Variants in ZNF597 observed in about 807,000 individuals in gnomAD.
ZNF597 encodes the protein zinc finger protein 597.
In ZNF597, 5 loss-of-function variants were observed where a neutral mutation model predicts 7.3. That is an observed-to-expected ratio of 0.68 (90% confidence interval 0.36 to 1.44). The LOEUF (loss-of-function observed/expected upper bound fraction) is 1.44. Ranked by LOEUF, ZNF597 falls within the 40% of genes most tolerant of loss-of-function variation. The pLI, the probability that ZNF597 is intolerant of heterozygous loss-of-function variation, is 0.04. For missense variants in ZNF597, 585 were observed against 517.9 expected, an observed-to-expected ratio of 1.13 and a Z score of -1.26; for synonymous variants, 209 against 185.4, an observed-to-expected ratio of 1.13 and a Z score of -1.04.
In ZNF597 at chr16:3,432,626, A is replaced by C. The variant is rs187495065; in HGVS notation, c.*3798T>G. ...GAGATTACAGCACATTCTTACGTTT[A>C]CACAGAAGAATATTTATATTGTATT... On this transcript the variant is annotated 3_prime_UTR_variant, in exon 4 of 4. Transcript: ENST00000301744. 1 of 152,340 alleles carries C rather than the reference A, an allele frequency of 6.6e-6. No homozygotes were observed. The highest frequency in any genetic ancestry group is 1.9e-4 in the East Asian group (1 of 5,176). The allele number at this position is 152,340 out of a possible 1,614,324, so 9.4% of individuals were successfully genotyped here.
chr16:3,441,276 G>A (rs1328157418), intron 2 of ZNF597, among the ~76,000 whole-genome samples: 5 of 152,152 alleles, frequency 3.3e-5, no homozygotes, highest in African/African-American at 1.2e-4. Context: ...GGCCGGGTGT[G>A]GTGGCTCATG....
chr16:3,437,175 T>G lies in ZNF597; in HGVS notation c.524A>C (p.Gln175Pro). The G allele has an allele frequency of 6.2e-7, 1 of 1,614,258 alleles. No individual in the cohort carries two copies. The highest frequency in any genetic ancestry group is 8.5e-7 in the Non-Finnish European group (1 of 1,180,052). Residue 175 changes from glutamine to proline, a missense_variant, in exon 4 of 4, where the codon CAG becomes CCG. Transcript: ENST00000301744. ...TTTTTTCTCTCCTGAATGAATTTTC[T>G]GATGCAAAACTAGGTATGAATGATC... ...FSDHSYLVLH[Q>P]KIHSGEKKHK...
intron 3 of ZNF597, among the ~76,000 whole-genome samples, chr16:3,438,583 A>G (rs2034330441): frequency 6.6e-6 from 1 of 151,846 alleles, no homozygotes. Context: ...AATAATAATA[A>G]TTAAAAAAGA....
rs776464140 is a variant in ZNF597 at position 3,436,721 on chromosome 16, G to A, written c.978C>T (p.Ser326=). 10 of 1,613,954 alleles carry A rather than the reference G, an allele frequency of 6.2e-6. No individual in the cohort carries two copies. The highest frequency in any genetic ancestry group is 5.3e-5 in the African/African-American group (4 of 74,914). ...ATGAGAAGAAATTGTCCCCATCATC[G>A]CTGCAGCGTTCAGAGTCCTCGTCGT... is the stretch of plus-strand genomic sequence containing the variant. ...KSHDEDSERC[S]DDGDNFFSFS... is the part of the protein sequence containing the mutation. The change falls in exon 4 of 4, where the codon AGC becomes AGT. Residue 326 remains serine, a synonymous_variant. Transcript: ENST00000301744.
rs2034425745 is a variant in ZNF597 at position 3,443,394 on chromosome 16, G to A, written c.-88C>T. The A allele has an allele frequency of 3.7e-6, 2 of 544,536 alleles. No homozygotes were observed. The highest frequency in any genetic ancestry group is 3.2e-5 in the East Asian group (1 of 30,966). The allele number at this position is 544,536 out of a possible 1,614,324, so 33.7% of individuals were successfully genotyped here. On this transcript the variant is annotated 5_prime_UTR_variant, in exon 1 of 4. Transcript: ENST00000301744. ...GTTAATAACAGGCCTCGCGCTCCCT[G>A]ACAGGAGCTGCAGAAAGCGACGCCC...
chr16:3,433,780 C>T lies in ZNF597; in HGVS notation c.*2644G>A, dbSNP rs2034274963. The stretch of plus-strand genomic sequence containing the variant: ...TTTAAGTACAACTGCACAATAAGCA[C>T]AACTGAAAATATGCCTCTTTCACAG... On this transcript the variant is annotated 3_prime_UTR_variant, in exon 4 of 4. Transcript: ENST00000301744. 1 of 152,208 alleles carries T rather than the reference C, an allele frequency of 6.6e-6. No homozygotes were observed. The highest frequency in any genetic ancestry group is 2.1e-4 in the South Asian group (1 of 4,832). 9.4% of individuals were successfully genotyped at this position (152,208 alleles called of 1,614,324 possible). A position where few individuals can be genotyped will look rare whatever the true frequency, so the allele number is the denominator to read the frequency against.
At chr16:3,440,140 A>G (rs2150933877) in intron 3 of ZNF597, among the ~76,000 whole-genome samples, 1 of 152,342 alleles carries the variant, frequency 6.6e-6, no homozygotes, top group African/African-American at 2.4e-5. Flanking sequence ...CCATCTGTGT[A>G]TGGTTCCCCT....
rs1203965030 is a variant in ZNF597 at position 3,433,894 on chromosome 16, G to A, written c.*2530C>T. 5 of 151,826 alleles carry A rather than the reference G, an allele frequency of 3.3e-5. No homozygotes were observed. Among genetic ancestry groups the A allele is most frequent in the African/African-American group, 7.3e-5 (3 of 41,298 alleles). The allele number at this position is 151,826 out of a possible 1,614,324, so 9.4% of individuals were successfully genotyped here. Reference sequence around the variant, plus strand: ...AAAGCCATTTTAGTTCTACCCACACGTATGTTAATGTTTCTGAAAAGGGCT... The same window carrying A: ...AAAGCCATTTTAGTTCTACCCACACATATGTTAATGTTTCTGAAAAGGGCT... On this transcript the variant is annotated 3_prime_UTR_variant, in exon 4 of 4. Transcript: ENST00000301744.
rs37826 is a variant in ZNF597, at chr16:3,438,334, T to G, written c.161-796A>C. Among the ~76,000 whole-genome samples, 11 of 150,144 alleles carry G rather than the reference T, an allele frequency of 7.3e-5. No individual in the cohort carries two copies. The East Asian group carries it at 2.2e-3, about 30-fold the overall frequency. On this transcript the variant is annotated intron_variant, in intron 3 of 3. Transcript: ENST00000301744. ...CAGCACTTTGGGAGGCCGAGGCGGGTGGATCACGAGATCAGGAGATCAAGA... is the reference window on the plus strand; with the variant it reads ...CAGCACTTTGGGAGGCCGAGGCGGGGGGATCACGAGATCAGGAGATCAAGA...
intron 3 of ZNF597, among the ~76,000 whole-genome samples, chr16:3,438,879 A>G (rs536640267): frequency 6.6e-6 from 1 of 152,368 alleles, no homozygotes; most frequent in South Asian, 2.1e-4. Flanking sequence ...CCAGAGAAAC[A>G]AAGTTCTACA....
chr16:3,439,289 G>A lies in ZNF597; in HGVS notation c.160+1518C>T, dbSNP rs1297224585. The stretch of plus-strand genomic sequence containing the variant: ...TCCCAGCTACTTGGGAGGCTGAGGT[G>A]GGAGGACTGCTTGAGCCTGGGAGGT... On this transcript the variant is annotated intron_variant, in intron 3 of 3. Transcript: ENST00000301744. Among the ~76,000 whole-genome samples, 4 of 152,036 alleles carry A rather than the reference G, an allele frequency of 2.6e-5. No individual in the cohort carries two copies. In the East Asian group the frequency reaches 5.8e-4, roughly 22 times the overall value.
At chr16:3,441,044 G>C (rs753108515) in intron 2 of ZNF597, 111 bp from the exon 3 acceptor site, 2 of 1,460,346 alleles carry the variant, frequency 1.4e-6, no homozygotes, top group Non-Finnish European at 1.8e-6. Context: ...TAAAAGGCTC[G>C]GTGTAAAAGG....
At position 3,442,681 on chromosome 16, in the gene ZNF597, A is replaced by G. The variant is rs796302236; in HGVS notation, c.33+440T>C. ...CAGAGCGAGACTCTGTATCAAAAAA[A>G]AAAAAAAAAGAACTTTTAAAAGTAG... On this transcript the variant is annotated intron_variant, in intron 2 of 3. Transcript: ENST00000301744. 8.9e-3 allele frequency among the ~76,000 whole-genome samples: 1,352 copies of G among 152,024 alleles called. 18 individuals carry two copies. Among genetic ancestry groups the G allele is most frequent in the South Asian group, 0.036 (173 of 4,812 alleles).
At chr16:3,437,590 A>G (rs773617703) in intron 3 of ZNF597, 52 bp from the exon 4 acceptor site, 2 of 1,524,166 alleles carry the variant, frequency 1.3e-6, no homozygotes, top group African/African-American at 2.8e-5. Context: ...TTCAAGGGAT[A>G]CTGGGGAAAA....
At position 3,437,383 on chromosome 16, in the gene ZNF597, A is replaced by G; in HGVS notation, c.316T>C (p.Leu106=). 1.2e-6 allele frequency: 2 copies of G among 1,614,154 alleles called. No homozygotes were observed. Among genetic ancestry groups the G allele is most frequent in the Non-Finnish European group, 1.7e-6 (2 of 1,180,036 alleles). ...DGVGNPEAKI[L]SGTPTYKRRV... ...CTCTTGTAAGTGGGAGTTCCACTTAATATTTTCGCTTCAGGGTTTCCAACT... is the reference window on the plus strand; with the variant it reads ...CTCTTGTAAGTGGGAGTTCCACTTAGTATTTTCGCTTCAGGGTTTCCAACT... The change falls in exon 4 of 4, where the codon TTA becomes CTA. Residue 106 remains leucine, a synonymous_variant. Transcript: ENST00000301744.
At chr16:3,438,940 C>G (rs1206140163) in intron 3 of ZNF597, among the ~76,000 whole-genome samples, 1 of 152,184 alleles carries the variant, frequency 6.6e-6, no homozygotes, top group Non-Finnish European at 1.5e-5. Context: ...TCATGGGAAT[C>G]CAAACAGTAC....
intron 3 of ZNF597, among the ~76,000 whole-genome samples, chr16:3,438,964 T>A (rs903352026): frequency 1.3e-5 from 2 of 152,192 alleles, no homozygotes; most frequent in African/African-American, 4.8e-5. Context: ...GTGGTTTTGC[T>A]GATTTGAGGG....
intron 2 of ZNF597, among the ~76,000 whole-genome samples, chr16:3,442,038 A>T (rs929509338): frequency 1.6e-4 from 24 of 151,912 alleles, no homozygotes; most frequent in African/African-American, 5.8e-4. Context: ...AGAATCATAA[A>T]GAGATAAAGG....
chr16:3,442,377 T>C (rs567788507), intron 2 of ZNF597, among the ~76,000 whole-genome samples: 1 of 152,204 alleles, frequency 6.6e-6, no homozygotes, highest in African/African-American at 2.4e-5. Flanking sequence ...AGACTCCATC[T>C]CCATAAAGAA....
Sources: gnomAD v4.1 joint callset for allele counts (sites outside exome capture counted in the v4.1 genomes callset) on GRCh38, gnomAD v4.1.1 for gene constraint, MANE v1.5 for transcripts, NCBI Gene and HGNC (gene_info 2026-07-23, HGNC 2026-07-21) for gene names.